The following BANP variants were observed in gnomAD, a reference collection of about 807,000 sequenced individuals.
BANP encodes the protein BTG3 associated nuclear protein, also known as protein BANP.
Under a neutral mutation model 68.1 loss-of-function variants are expected in BANP, and 11 were observed. The observed-to-expected ratio is 0.16, with a 90% CI of 0.10 to 0.27. The LOEUF (loss-of-function observed/expected upper bound fraction) is 0.27, where lower values mean the gene tolerates loss of function less well. Ranked by LOEUF, BANP falls within the 10% of genes least tolerant of loss-of-function variation. BANP has a pLI of 1.00. For missense variants in BANP, 504 were observed against 722.7 expected (o/e 0.70, Z 3.47); for synonymous variants, 329 against 303.2 (o/e 1.09, Z -0.88).
intron 7 of BANP, among the ~76,000 whole-genome samples, chr16:88,021,944 T>TA (rs1438819649): frequency 6.6e-6 from 1 of 152,078 alleles, no homozygotes; most frequent in African/African-American, 2.4e-5. Context: ...ACACAGTAGG[T>TA]AAAGTCTCTA....
At chr16:88,044,953 G>A (rs1211876876) in intron 11 of BANP, among the ~76,000 whole-genome samples, 1 of 151,980 alleles carries the variant, frequency 6.6e-6, no homozygotes, top group African/African-American at 2.4e-5. Flanking sequence ...CTGCACTCCA[G>A]CCTGGGCAAC....
intron 8 of BANP, among the ~76,000 whole-genome samples, chr16:88,031,412 G>A (rs1025810778): frequency 1.3e-5 from 2 of 152,176 alleles, no homozygotes; most frequent in African/African-American, 4.8e-5. Context: ...GGGAGGCTGA[G>A]GCAGGCGGAT....
rs112769002 is a variant in BANP at position 88,068,990 on chromosome 16, T to G, written c.1378-3079T>G. On this transcript the variant is annotated intron_variant, in intron 12 of 13. Coordinates refer to ENST00000682872, the MANE Select transcript of BANP (RefSeq NM_001386991.1). ...TGCACCCAGCCCAGCCCCCTGCCCC[T>G]GCACCCAGCCCAGCCCAGCCCCCTG... 3.3e-4 allele frequency among the ~76,000 whole-genome samples: 49 copies of G among 150,352 alleles called. 1 individual carries two copies. Among genetic ancestry groups the G allele is most frequent in the African/African-American group, 1.1e-3 (47 of 41,010 alleles).
intron 1 of BANP, among the ~76,000 whole-genome samples, chr16:87,962,486 T>C (rs1013324087): frequency 3.9e-5 from 6 of 152,158 alleles, no homozygotes; most frequent in African/African-American, 1.4e-4. Context: ...AGCTTTAGAA[T>C]GGTGAAGAGG....
chr16:88,071,519 T>C lies in BANP; in HGVS notation c.1378-550T>C, dbSNP rs1283014586. On this transcript the variant is annotated intron_variant, in intron 12 of 13. Coordinates refer to ENST00000682872, the MANE Select transcript of BANP (RefSeq NM_001386991.1). This position sits in a 1 kb window ranked among gnomAD's most constrained non-coding sequence, Gnocchi z 6.5. Reference sequence around the variant, plus strand: ...CCACCAGGACTCACTTCCGCCCATCTTGGAACTGGGCCTCACTTTCCTGCG... The same window carrying C: ...CCACCAGGACTCACTTCCGCCCATCCTGGAACTGGGCCTCACTTTCCTGCG... The C allele has an allele frequency of 2.2e-6, 1 of 456,480 alleles. No individual in the cohort carries two copies. The highest frequency in any genetic ancestry group is 4.4e-6 in the Non-Finnish European group (1 of 226,864). 28.3% of individuals were successfully genotyped at this position (456,480 alleles called of 1,614,324 possible). A position where few individuals can be genotyped will look rare whatever the true frequency, so the allele number is the denominator to read the frequency against.
intron 2 of BANP, chr16:87,978,804 C>T (rs375944196): frequency 1.2e-4 from 42 of 361,422 alleles, no homozygotes; most frequent in South Asian, 6.8e-4. Context: ...AACCCCAACC[C>T]TCCCAGGCAC....
chr16:88,058,096 GTATTTA>G (rs1349030949), intron 11 of BANP, among the ~76,000 whole-genome samples: 8 of 151,562 alleles, frequency 5.3e-5, no homozygotes, highest in Non-Finnish European at 1.0e-4. Context: ...AATTCATTGT[GTATTTA>G]CGAGGAATCT....
At chr16:87,997,766 G>A (rs2067688091) in intron 4 of BANP, among the ~76,000 whole-genome samples, 2 of 152,242 alleles carry the variant, frequency 1.3e-5, no homozygotes, top group Admixed American at 6.5e-5. Context: ...AGGATGGCTG[G>A]GAGTGAGACC....
intron 1 of BANP, among the ~76,000 whole-genome samples, chr16:87,967,827 T>G (rs950488522): frequency 1.3e-5 from 2 of 151,822 alleles, no homozygotes; most frequent in Non-Finnish European, 2.9e-5. Flanking sequence ...TTCACCATGT[T>G]GGTTAGGCTG....
At chr16:87,993,021 T>A (rs2152503433) in intron 4 of BANP, among the ~76,000 whole-genome samples, 1 of 152,328 alleles carries the variant, frequency 6.6e-6, no homozygotes, top group South Asian at 2.1e-4. Context: ...TTGGCGACTT[T>A]TTGAGGAGCA....
intron 13 of BANP, among the ~76,000 whole-genome samples, chr16:88,072,832 C>T (rs1306381013): frequency 2.0e-5 from 3 of 152,192 alleles, no homozygotes; most frequent in Admixed American, 6.5e-5. Context: ...CATCCGGGAG[C>T]AGTCTTGGCC....
intron 4 of BANP, among the ~76,000 whole-genome samples, chr16:87,990,410 G>A (rs543381556): frequency 5.5e-4 from 83 of 152,280 alleles, no homozygotes; most frequent in Non-Finnish European, 8.8e-4. Context: ...CTGTTGACCC[G>A]TGGATAATTG....
chr16:87,977,224 C>A (rs1368907287), intron 2 of BANP, among the ~76,000 whole-genome samples: 4 of 152,274 alleles, frequency 2.6e-5, no homozygotes, highest in Admixed American at 6.5e-5. Context: ...ACCATCCTGG[C>A]AAACACGGTG....
intron 4 of BANP, among the ~76,000 whole-genome samples, chr16:87,995,911 C>T (rs1022986892): frequency 5.3e-5 from 8 of 152,342 alleles, no homozygotes; most frequent in East Asian, 3.9e-4. Context: ...CTGCGGTGCC[C>T]GGGGTGCGCT....
At chr16:87,990,338 C>T (rs1373881762) in intron 4 of BANP, among the ~76,000 whole-genome samples, 1 of 152,146 alleles carries the variant, frequency 6.6e-6, no homozygotes, top group Admixed American at 6.5e-5. Flanking sequence ...TACAGTATGT[C>T]TTCCAGAGAT....
chr16:87,954,664 G>A (rs1005957569), intron 1 of BANP, among the ~76,000 whole-genome samples: 4 of 152,222 alleles, frequency 2.6e-5, no homozygotes, highest in Non-Finnish European at 4.4e-5. Flanking sequence ...TGGCAGGTGC[G>A]GGTTTGGCCT....
intron 11 of BANP, among the ~76,000 whole-genome samples, chr16:88,039,658 T>G (rs368932750): frequency 7.0e-6 from 1 of 142,286 alleles, no homozygotes; most frequent in Non-Finnish European, 1.6e-5. Context: ...TCTCCCAACT[T>G]TATTGTGGGG....
intron 4 of BANP, among the ~76,000 whole-genome samples, chr16:87,998,879 C>T (rs1255361824): frequency 4.1e-5 from 5 of 122,478 alleles, no homozygotes; most frequent in South Asian, 3.2e-4. Context: ...TCTCCATGCA[C>T]GCACGTGCGC....
intron 11 of BANP, among the ~76,000 whole-genome samples, chr16:88,049,482 G>T (rs7191775): frequency 2.0e-5 from 3 of 151,748 alleles, no homozygotes; most frequent in Non-Finnish European, 2.9e-5. Flanking sequence ...TGGAAACTTC[G>T]TGACATTAGC....
Sources: allele counts gnomAD v4.1 joint callset (sites outside exome capture counted in the v4.1 genomes callset), GRCh38; gene constraint gnomAD v4.1.1; non-coding constraint Gnocchi (gnomAD v3.1); transcripts MANE v1.5; gene names NCBI Gene and HGNC (gene_info 2026-07-23, HGNC 2026-07-21).